SLC4A2: variants seen among roughly 807,000 people sequenced by gnomAD.
SLC4A2 encodes solute carrier family 4 member 2.
In SLC4A2, 36 loss-of-function variants were observed where a neutral mutation model predicts 115.0. The ratio of observed to expected loss-of-function variants is 0.31; its 90% CI spans 0.24 to 0.41. The LOEUF is 0.41. Among genes scored for constraint, SLC4A2 ranks in the 10% least tolerant of loss-of-function variants. The pLI, the probability that SLC4A2 is intolerant of heterozygous loss-of-function variation, is 1.00. For synonymous variants in SLC4A2, 708 were observed against 708.3 expected (o/e 1.00, Z 0.01); for missense variants, 1,252 against 1,705.6 (o/e 0.73, Z 4.68).
intron 2 of SLC4A2, chr7:151,062,441 A>G (rs1797081025): frequency 1.9e-6 from 2 of 1,047,398 alleles, no homozygotes; most frequent in Admixed American, 3.4e-5. Context: ...CCCACGTGCC[A>G]CCCAGGCCCG....
chr7:151,071,243 G>A lies in SLC4A2; in HGVS notation c.1921G>A (p.Gly641Ser). The change falls in exon 13 of 23, where the codon GGC becomes AGC. Residue 641 changes from glycine (G) to serine (S), a missense_variant. By Grantham distance (56) the Gly-to-Ser change is moderately conservative. This residue lies in a region of SLC4A2 where 122 missense variants were observed against 116.8 expected (regional missense o/e 1.04). Transcript: ENST00000413384. This position sits in a 1 kb window ranked among gnomAD's most constrained non-coding sequence, Gnocchi z 5.5. ...GATGCTCAAGAAGCGAGAGGAGCAG[G>A]GCCGGCTGCTACCTACAGGGGCTGG... The part of the protein sequence containing the change: ...RQMLKKREEQ[G>S]RLLPTGAGLE... 1.3e-6 allele frequency: 2 copies of A among 1,575,444 alleles called. No individual in the cohort carries two copies. Among genetic ancestry groups the A allele is most frequent in the Non-Finnish European group, 1.7e-6 (2 of 1,161,316 alleles).
chr7:151,071,030 C>G lies in SLC4A2; in HGVS notation c.1750-42C>G. Reference sequence around the variant, plus strand: ...CACCCTCAGCTCCAGGCCCTCAGCCCTCTTCTTTGTGCTCTCCCCCATCCC... The same window carrying G: ...CACCCTCAGCTCCAGGCCCTCAGCCGTCTTCTTTGTGCTCTCCCCCATCCC... On this transcript the variant is annotated intron_variant, in intron 12 of 22. Coordinates refer to ENST00000413384, the MANE Select transcript of SLC4A2 (RefSeq NM_003040.4). The surrounding 1 kb of genome is among the most constrained non-coding windows in gnomAD (Gnocchi z 5.5). 1.2e-6 allele frequency: 2 copies of G among 1,606,504 alleles called. No homozygotes were observed. The highest frequency in any genetic ancestry group is 8.5e-7 in the Non-Finnish European group (1 of 1,175,490).
chr7:151,071,050 C>G lies in SLC4A2; in HGVS notation c.1750-22C>G, dbSNP rs758294803. 18 of 1,611,324 alleles carry G rather than the reference C, an allele frequency of 1.1e-5. No individual in the cohort carries two copies. Among genetic ancestry groups the G allele is most frequent in the Admixed American group, 5.0e-5 (3 of 59,982 alleles). On this transcript the variant is annotated intron_variant, in intron 12 of 22. Coordinates refer to ENST00000413384, the MANE Select transcript of SLC4A2 (RefSeq NM_003040.4). This position sits in a 1 kb window ranked among gnomAD's most constrained non-coding sequence, Gnocchi z 5.5. Reference sequence around the variant, plus strand: ...CAGCCCTCTTCTTTGTGCTCTCCCCCATCCCCATGCTGCTTTGGCAGCAAT... The same window carrying G: ...CAGCCCTCTTCTTTGTGCTCTCCCCGATCCCCATGCTGCTTTGGCAGCAAT...
At chr7:151,063,214 G>C in intron 2 of SLC4A2, 1 of 1,357,900 alleles carries the variant, frequency 7.4e-7, no homozygotes, top group Middle Eastern at 2.7e-4. Context: ...GGTGGGGTGA[G>C]GGGTGGGGCT....
chr7:151,064,402 G>T, intron 3 of SLC4A2, 35 bp downstream of exon 3: 6 of 757,040 alleles, frequency 7.9e-6, no homozygotes, highest in Non-Finnish European at 1.1e-5. Flanking sequence ...GAGGTGGGGG[G>T]ATCAGGTTTG....
At chr7:151,062,656 G>T (rs982623351) in intron 2 of SLC4A2, 1 of 1,522,348 alleles carries the variant, frequency 6.6e-7, no homozygotes, top group Non-Finnish European at 8.8e-7. Context: ...TTCCTCCTGC[G>T]GCCTCAGGTG....
In SLC4A2 at chr7:151,060,458, G is replaced by A. The variant is rs574692978; in HGVS notation, c.-64+696G>A. Among the ~76,000 whole-genome samples the A allele has an allele frequency of 4.5e-4, 69 of 152,338 alleles. No individual in the cohort carries two copies. Among genetic ancestry groups the A allele is most frequent in the Non-Finnish European group, 8.7e-4 (59 of 68,028 alleles). On this transcript the variant is annotated intron_variant, in intron 1 of 22. Transcript: ENST00000413384. The surrounding 1 kb of genome is among the most constrained non-coding windows in gnomAD (Gnocchi z 5.9). ...GGTTAATGCCCAAGTGGGGGTCCGA[G>A]GTGCTAATCCCTTGGTCAAGGGGAG...
intron 18 of SLC4A2, 49 bp downstream of exon 18, chr7:151,074,537 G>C (rs1797550712): frequency 1.2e-6 from 2 of 1,602,982 alleles, no homozygotes; most frequent in East Asian, 2.2e-5. Flanking sequence ...TGCCACCCCG[G>C]GTCTAGGTGT....
At chr7:151,068,138 G>T in intron 8 of SLC4A2, 84 bp downstream of exon 8, 1 of 1,108,438 alleles carries the variant, frequency 9.0e-7, no homozygotes, top group South Asian at 2.0e-5. Flanking sequence ...TGAGCCCCAC[G>T]TTGTGTGACA....
Position 151,064,341 on chromosome 7 carries a change from G to A in SLC4A2, c.191G>A (p.Arg64His), listed in dbSNP as rs1173184337. The A allele has an allele frequency of 1.9e-6, 3 of 1,601,602 alleles. No individual in the cohort carries two copies. The highest frequency in any genetic ancestry group is 2.6e-6 in the Non-Finnish European group (3 of 1,174,588). ...AGSRGGEEPG[R>H]SYGEEDFEYH... ...TCTCGTGGAGGGGAGGAGCCAGGCC[G>A]CAGCTATGGGGAGGAAGACTTTGAG... Residue 64 changes from arginine to histidine, a missense_variant, in exon 3 of 23, where the codon CGC becomes CAC. By Grantham distance (29) the Arg-to-His change is conservative (BLOSUM62 0). Around this residue, in one of 14 missense-constraint regions of SLC4A2, gnomAD observed 10 missense variants for 39.3 expected, o/e 0.25. Transcript: ENST00000413384.
chr7:151,071,728 T>C lies in SLC4A2; in HGVS notation c.2231T>C (p.Ile744Thr). Residue 744 changes from isoleucine to threonine, a missense_variant, in exon 15 of 23, where the codon ATT (isoleucine) becomes ACT (threonine). Coordinates refer to ENST00000413384, the MANE Select transcript of SLC4A2 (RefSeq NM_003040.4). The surrounding 1 kb of genome is among the most constrained non-coding windows in gnomAD (Gnocchi z 5.5). The stretch of plus-strand genomic sequence containing the variant: ...GACCTGATAGGGGTGTCGGAGCTGA[T>C]TATGTCCACAGCGCTCCAGGGCGTG... ...TQDLIGVSEL[I>T]MSTALQGVVF... The C allele has an allele frequency of 6.2e-7, 1 of 1,611,786 alleles. No individual in the cohort carries two copies.
intron 19 of SLC4A2, 112 bp downstream of exon 19, chr7:151,074,953 T>C (rs537747693): frequency 2.6e-6 from 3 of 1,142,088 alleles, no homozygotes; most frequent in African/African-American, 3.1e-5. Context: ...TCAGGGAACC[T>C]TGGATGCCCA....
At chr7:151,072,251 G>A (rs2150376413) in intron 16 of SLC4A2, 115 bp downstream of exon 16, 2 of 810,780 alleles carry the variant, frequency 2.5e-6, no homozygotes, top group South Asian at 1.6e-5. Flanking sequence ...GCATCCCCGG[G>A]GCTTGTTGCC....
chr7:151,071,740 C>T lies in SLC4A2; in HGVS notation c.2243C>T (p.Ala748Val), dbSNP rs768490315. 1.1e-5 allele frequency: 18 copies of T among 1,612,330 alleles called. No homozygotes were observed. The highest frequency in any genetic ancestry group is 2.2e-5 in the South Asian group (2 of 90,910). ...IGVSELIMST[A>V]LQGVVFCLLG... ...GTGTCGGAGCTGATTATGTCCACAG[C>T]GCTCCAGGGCGTGGTCTTCTGCCTG... is the stretch of plus-strand genomic sequence containing the variant. The change falls in exon 15 of 23, where the codon GCG (alanine) becomes GTG (valine). Residue 748 changes from alanine to valine, a missense_variant. By Grantham distance (64) the Ala-to-Val change is moderately conservative (BLOSUM62 0). Around this residue, in one of 14 missense-constraint regions of SLC4A2, gnomAD observed 118 missense variants for 203.3 expected, o/e 0.58. Coordinates refer to ENST00000413384, the MANE Select transcript of SLC4A2 (RefSeq NM_003040.4). This position sits in a 1 kb window ranked among gnomAD's most constrained non-coding sequence, Gnocchi z 5.5.
rs1797653151 is a variant in SLC4A2 at position 151,076,501 on chromosome 7, G to A, written c.*134G>A. On this transcript the variant is annotated 3_prime_UTR_variant, in exon 23 of 23. Coordinates refer to ENST00000413384, the MANE Select transcript of SLC4A2 (RefSeq NM_003040.4). The stretch of plus-strand genomic sequence containing the variant: ...AGTCTTCTCCTCCCCCACTGCCCCT[G>A]CAGTAAAGTGCTTTGGCCCCCACCT... The A allele has an allele frequency of 1.3e-6, 1 of 770,656 alleles. No individual in the cohort carries two copies. The highest frequency in any genetic ancestry group is 2.0e-6 in the Non-Finnish European group (1 of 510,222). 47.7% of individuals were successfully genotyped at this position (770,656 alleles called of 1,614,324 possible).
At chr7:151,068,373 C>T (rs946622008) in intron 8 of SLC4A2, among the ~76,000 whole-genome samples, 1 of 151,862 alleles carries the variant, frequency 6.6e-6, no homozygotes, top group Non-Finnish European at 1.5e-5. Context: ...GTAGACCTCA[C>T]GAAATGACCA....
Position 151,071,272 on chromosome 7 carries a change from G to A in SLC4A2, c.1950G>A (p.Leu650=), listed in dbSNP as rs1234490086. The A allele has an allele frequency of 6.4e-7, 1 of 1,559,992 alleles. No individual in the cohort carries two copies. Among genetic ancestry groups the A allele is most frequent in the East Asian group, 2.4e-5 (1 of 41,526 alleles). ...GGCTGCTACCTACAGGGGCTGGGCT[G>A]GAGCCCAAATCTGCCCAAGATAAGG... is the stretch of plus-strand genomic sequence containing the variant. ...QGRLLPTGAG[L]EPKSAQDKAL... Residue 650 remains leucine (L), a synonymous_variant, in exon 13 of 23, where the codon CTG becomes CTA. Coordinates refer to ENST00000413384, the MANE Select transcript of SLC4A2 (RefSeq NM_003040.4). This position sits in a 1 kb window ranked among gnomAD's most constrained non-coding sequence, Gnocchi z 5.5.
intron 21 of SLC4A2, 38 bp downstream of exon 21, chr7:151,075,813 C>T: frequency 6.3e-7 from 1 of 1,579,264 alleles, no homozygotes; most frequent in South Asian, 1.1e-5. Flanking sequence ...GGGTGTGCCT[C>T]TGGCCATCCT....
At chr7:151,074,339 G>A (rs1302806474) in intron 17 of SLC4A2, 46 bp downstream of exon 17, 4 of 1,610,604 alleles carry the variant, frequency 2.5e-6, no homozygotes, top group Non-Finnish European at 3.4e-6. Flanking sequence ...CAGGAAGGGG[G>A]GTGGCAGGAA....
Sources: gnomAD v4.1 joint callset for allele counts (sites outside exome capture counted in the v4.1 genomes callset) on GRCh38, gnomAD v4.1.1 for gene constraint, gnomAD v4.1.1 regional missense constraint, Gnocchi (gnomAD v3.1) non-coding constraint, MANE v1.5 for transcripts, NCBI Gene and HGNC (gene_info 2026-07-23, HGNC 2026-07-21) for gene names.